NINL: variants seen among roughly 807,000 people sequenced by gnomAD.
NINL encodes ninein-like protein.
NINL carries 153 observed loss-of-function variants against 160.3 expected under a neutral mutation model. That is an observed-to-expected ratio of 0.95 (90% CI 0.84 to 1.09). The LOEUF is 1.09. NINL is among the 50% of genes least tolerant of loss of function. NINL has a pLI of 0.00. For synonymous variants in NINL, 800 were observed against 734.8 expected (o/e 1.09, Z -1.43); for missense variants, 1,829 against 1,764.0 (o/e 1.04, Z -0.66).
chr20:25,520,502 GC>G (rs1433682019), intron 2 of NINL, among the ~76,000 whole-genome samples: 1 of 152,064 alleles, frequency 6.6e-6, no homozygotes, highest in Non-Finnish European at 1.5e-5. Context: ...CTTATTTTCT[GC>G]CCCCCAGTTA....
In NINL at chr20:25,489,873, G is replaced by A. The variant is rs200964642; in HGVS notation, c.1596+2C>T. On this transcript the variant is annotated splice_donor_variant, in intron 12 of 23. Coordinates refer to ENST00000278886, the MANE Select transcript of NINL (RefSeq NM_025176.6). LOFTEE classifies it low-confidence loss of function (GC_TO_GT_DONOR). ...AGGCAGACTGTCAGCAAAGGGACTC[G>A]CCTTGTCCTTCAGCACAAACTCCAG... The A allele has an allele frequency of 1.2e-5, 19 of 1,613,670 alleles. No individual in the cohort carries two copies. In the East Asian group the frequency reaches 2.5e-4, roughly 21 times the overall value.
intron 1 of NINL, among the ~76,000 whole-genome samples, chr20:25,532,239 C>A (rs1488492532): frequency 6.6e-6 from 1 of 152,228 alleles, no homozygotes; most frequent in African/African-American, 2.4e-5. Context: ...CTCAGGAGGC[C>A]CCAGCCACAC....
chr20:25,517,568 T>A (rs1053267308), intron 3 of NINL, among the ~76,000 whole-genome samples, 185 bp downstream of exon 3: 16 of 152,364 alleles, frequency 1.1e-4, no homozygotes, highest in South Asian at 6.2e-4. Flanking sequence ...TATATGACAC[T>A]ATTTCACAAA....
At chr20:25,561,344 T>C (rs1443695814) in intron 1 of NINL, among the ~76,000 whole-genome samples, 3 of 152,310 alleles carry the variant, frequency 2.0e-5, no homozygotes, top group African/African-American at 7.2e-5. Context: ...CAGTGCTCAA[T>C]GGTGCCCAGG....
chr20:25,507,647 G>T (rs1025024195), intron 5 of NINL, among the ~76,000 whole-genome samples: 7 of 152,178 alleles, frequency 4.6e-5, no homozygotes, highest in Admixed American at 6.5e-5. Flanking sequence ...AGCCATGTGG[G>T]TGTGAATTAC....
chr20:25,573,246 G>A (rs543877661), intron 1 of NINL, among the ~76,000 whole-genome samples: 75 of 149,196 alleles, frequency 5.0e-4, no homozygotes, highest in African/African-American at 1.7e-3. Context: ...GCAGTGAGCC[G>A]AGATCACACC....
intron 1 of NINL, among the ~76,000 whole-genome samples, chr20:25,582,399 T>C (rs538306492): frequency 2.8e-4 from 43 of 152,270 alleles, no homozygotes; most frequent in African/African-American, 9.6e-4. Context: ...TCCCAGCATT[T>C]TGGGAGGCTG....
At chr20:25,477,357 GGCC>G (rs1251189682) in intron 16 of NINL, among the ~76,000 whole-genome samples, 1 of 152,204 alleles carries the variant, frequency 6.6e-6, no homozygotes, top group Non-Finnish European at 1.5e-5. Context: ...CATGGAAGAT[GGCC>G]GCCACCATGC....
chr20:25,540,766 C>A (rs1007367841), intron 1 of NINL, among the ~76,000 whole-genome samples: 1 of 152,214 alleles, frequency 6.6e-6, no homozygotes, highest in East Asian at 1.9e-4. Context: ...TTCCAATGGC[C>A]TTGCCAGCAG....
chr20:25,531,783 C>T lies in NINL; in HGVS notation c.-11-5185G>A, dbSNP rs57544952. On this transcript the variant is annotated intron_variant, in intron 1 of 23. Transcript: ENST00000278886. Reference sequence around the variant, plus strand: ...CCCAGACAGCGAGGCTTGGAGGAAACGCGGCTGAGCTGTTTTCCCAATGTC... The same window carrying T: ...CCCAGACAGCGAGGCTTGGAGGAAATGCGGCTGAGCTGTTTTCCCAATGTC... Among the ~76,000 whole-genome samples the T allele has an allele frequency of 6.6e-3, 1,004 of 152,238 alleles. 16 individuals are homozygous for T. The highest frequency in any genetic ancestry group is 0.023 in the African/African-American group (959 of 41,530).
chr20:25,497,427 C>T (rs567976952), intron 9 of NINL, among the ~76,000 whole-genome samples: 184 of 152,354 alleles, frequency 1.2e-3, no homozygotes, highest in African/African-American at 3.9e-3. Flanking sequence ...CCTGGGCAAG[C>T]CTTTCTCCAG....
chr20:25,510,079 A>G (rs2064039304), intron 5 of NINL, among the ~76,000 whole-genome samples: 1 of 152,208 alleles, frequency 6.6e-6, no homozygotes, highest in South Asian at 2.1e-4. Flanking sequence ...GGCAGCATGG[A>G]TGGTCAGCCT....
intron 23 of NINL, 93 bp downstream of exon 23, chr20:25,455,580 G>T: frequency 1.2e-6 from 1 of 847,894 alleles, no homozygotes; most frequent in Non-Finnish European, 2.0e-6. Flanking sequence ...TGACAAGACA[G>T]CCTTTTCCTG....
rs1169926613 is a variant in NINL at position 25,461,600 on chromosome 20, T to C, written c.3618A>G (p.Glu1206=). The C allele has an allele frequency of 4.3e-6, 7 of 1,612,126 alleles. No individual in the cohort carries two copies. In the South Asian group the frequency reaches 7.7e-5, roughly 18 times the overall value. ...GGCTCTGATGTTCCTGATTCAGGCA[T>C]TCAAGTTCAACTCTAAGTTTTTGGA... The part of the protein sequence containing the change: ...DQIQKLRVEL[E]CLNQEHQSLQ... The change falls in exon 21 of 24, where the codon GAA becomes GAG. Residue 1206 remains glutamate, a synonymous_variant. Transcript: ENST00000278886.
chr20:25,454,056 C>CA lies in NINL; in HGVS notation c.3958-415dup, dbSNP rs3215515. Among the ~76,000 whole-genome samples, 527 of 144,320 alleles carry CA rather than the reference C, an allele frequency of 3.7e-3. 6 individuals are homozygous for CA. Among genetic ancestry groups the CA allele is most frequent in the African/African-American group, 0.012 (467 of 39,358 alleles). 94.7% of individuals were successfully genotyped at this position (144,320 alleles called of 152,430 possible). On this transcript the variant is annotated intron_variant, in intron 23 of 23. Transcript: ENST00000278886. Reference sequence around the variant, plus strand: ...AGGCGACAGAGCAAGACTCTGTCTCCAAAAAAAAAAGAAATCTGACACAAA... The same window carrying CA: ...AGGCGACAGAGCAAGACTCTGTCTCCAAAAAAAAAAAGAAATCTGACACAAA...
At chr20:25,490,492 G>A (rs921729167) in intron 11 of NINL, among the ~76,000 whole-genome samples, 34 of 151,660 alleles carry the variant, frequency 2.2e-4, no homozygotes, top group Non-Finnish European at 3.5e-4. Context: ...CCTGGGAGGC[G>A]GGGCTTGCAG....
At chr20:25,465,482 G>C (rs2062890047) in intron 19 of NINL, among the ~76,000 whole-genome samples, 1 of 152,094 alleles carries the variant, frequency 6.6e-6, no homozygotes, top group Admixed American at 6.5e-5. Flanking sequence ...CCTCCCACCA[G>C]CTGCCCTGGA....
rs781000050 is a variant in NINL, at chr20:25,476,199, G to T, written c.3092C>A (p.Pro1031Gln). Residue 1031 changes from proline to glutamine, a missense_variant, in exon 17 of 24, where the codon CCG becomes CAG. By Grantham distance (76) the Pro-to-Gln change is moderately conservative. Transcript: ENST00000278886. ...AAGCTGCTCCTGCCAGGAACCCTGC[G>T]GGTCTGCGAGCTGGAGGTGGGATGG... ...SLPSHLQLAD[P>Q]QGSWQEQLAA... is the part of the protein sequence containing the mutation. The T allele has an allele frequency of 1.9e-5, 31 of 1,614,032 alleles. No individual in the cohort carries two copies. Among genetic ancestry groups the T allele is most frequent in the Non-Finnish European group, 2.5e-5 (30 of 1,180,034 alleles).
intron 17 of NINL, among the ~76,000 whole-genome samples, chr20:25,471,181 T>TG (rs200713665): frequency 0.012 from 1,892 of 152,136 alleles, 42 homozygotes; most frequent in African/African-American, 0.043. Context: ...GTGGTGGAGA[T>TG]GGGGTCTCGA....
Sources: gnomAD v4.1 joint callset for allele counts (sites outside exome capture counted in the v4.1 genomes callset) on GRCh38, gnomAD v4.1.1 for gene constraint, MANE v1.5 for transcripts, NCBI Gene and HGNC (gene_info 2026-07-23, HGNC 2026-07-21) for gene names.